RALYL: variants seen among roughly 807,000 people sequenced by gnomAD.
RALYL encodes RNA-binding Raly-like protein.
Under a neutral mutation model 35.1 loss-of-function variants are expected in RALYL, and 29 were observed. That is an observed-to-expected ratio of 0.83 (90% CI 0.61 to 1.13). The LOEUF is 1.13. Among genes scored for constraint, RALYL ranks in the 50% most tolerant of loss-of-function variants. RALYL has a pLI of 0.00. For missense variants in RALYL, 359 were observed against 360.4 expected, an observed-to-expected ratio of 1.00 and a Z score of 0.03; for synonymous variants, 120 against 127.6, an observed-to-expected ratio of 0.94 and a Z score of 0.40.
chr8:84,264,468 G>A (rs972916303), intron 1 of RALYL, among the ~76,000 whole-genome samples: 1 of 41,818 alleles, frequency 2.4e-5, no homozygotes, highest in African/African-American at 8.9e-5. Context: ...TTTTTTTTTT[G>A]TAAATTTGTT....
chr8:84,579,049 C>A (rs1337671599), intron 2 of RALYL, among the ~76,000 whole-genome samples: 2 of 152,140 alleles, frequency 1.3e-5, no homozygotes, highest in East Asian at 3.9e-4. Flanking sequence ...TTCCTCCCAC[C>A]ATCAACATGT....
At chr8:84,465,163 A>G (rs2051400123) in intron 1 of RALYL, among the ~76,000 whole-genome samples, 4 of 136,416 alleles carry the variant, frequency 2.9e-5, no homozygotes, top group South Asian at 2.6e-4. Flanking sequence ...CCATTTGTCC[A>G]TTTTGTCTTT....
chr8:84,628,885 C>T (rs1823325656), intron 2 of RALYL, among the ~76,000 whole-genome samples: 1 of 151,954 alleles, frequency 6.6e-6, no homozygotes, highest in African/African-American at 2.4e-5. Context: ...GATCTTATTT[C>T]AGATGGTCTG....
chr8:84,794,845 G>A (rs6999092), intron 3 of RALYL, among the ~76,000 whole-genome samples: 2,842 of 152,270 alleles, frequency 0.019, 83 homozygotes, highest in African/African-American at 0.065. Context: ...ATTCCTCCCT[G>A]TAGAATTATG....
chr8:84,871,489 G>A (rs979707085), intron 6 of RALYL, among the ~76,000 whole-genome samples: 5 of 152,012 alleles, frequency 3.3e-5, no homozygotes, highest in African/African-American at 1.2e-4. Context: ...AATTTGATAC[G>A]TTTAAGTAAA....
intron 2 of RALYL, among the ~76,000 whole-genome samples, chr8:84,726,933 G>C (rs1845077440): frequency 6.6e-6 from 1 of 151,986 alleles, no homozygotes; most frequent in South Asian, 2.1e-4. Context: ...GCAGCCCTCA[G>C]GAAAATAAGA....
At chr8:84,604,348 T>G (rs1816654247) in intron 2 of RALYL, among the ~76,000 whole-genome samples, 1 of 152,058 alleles carries the variant, frequency 6.6e-6, no homozygotes, top group South Asian at 2.1e-4. Context: ...CTCAACCACT[T>G]TTATCTTAAG....
intron 1 of RALYL, among the ~76,000 whole-genome samples, chr8:84,300,570 C>G (rs1840581535): frequency 6.6e-6 from 1 of 151,956 alleles, no homozygotes; most frequent in South Asian, 2.1e-4. Context: ...GTGGGGTTAT[C>G]TATGTCTCTT....
chr8:84,258,485 T>A lies in RALYL; in HGVS notation c.-24+74061T>A, dbSNP rs148301792. On this transcript the variant is annotated intron_variant, in intron 1 of 8. Coordinates refer to ENST00000521268, the MANE Select transcript of RALYL (RefSeq NM_173848.7). ...AGGTGTTCTTTTGATTACTTTTTTT[T>A]TTCTCACAAGTGGCTTCTACAACTC... Among the ~76,000 whole-genome samples the A allele has an allele frequency of 5.7e-3, 875 of 152,226 alleles. 10 individuals carry two copies. Among genetic ancestry groups the A allele is most frequent in the African/African-American group, 0.019 (806 of 41,546 alleles).
At chr8:84,765,438 G>A (rs560647186) in intron 2 of RALYL, among the ~76,000 whole-genome samples, 1 of 152,204 alleles carries the variant, frequency 6.6e-6, no homozygotes, top group South Asian at 2.1e-4. Context: ...TGGCACGTGG[G>A]CTTTGCTCAA....
rs560711997 is a variant in RALYL at position 84,264,361 on chromosome 8, A to T, written c.-24+79937A>T. 7.9e-5 allele frequency among the ~76,000 whole-genome samples: 12 copies of T among 151,078 alleles called. No individual in the cohort carries two copies. In the East Asian group the frequency reaches 2.3e-3, roughly 30 times the overall value. On this transcript the variant is annotated intron_variant, in intron 1 of 8. Coordinates refer to ENST00000521268, the MANE Select transcript of RALYL (RefSeq NM_173848.7). ...GGTTTTTATTTGTATTTCTCTAATG[A>T]TCAGTGATGTTGAGCTTTTTTCATA...
chr8:84,611,557 A>C (rs565071881), intron 2 of RALYL, among the ~76,000 whole-genome samples: 1 of 152,116 alleles, frequency 6.6e-6, no homozygotes, highest in Non-Finnish European at 1.5e-5. Flanking sequence ...CACACACACA[A>C]AAGTTGACAT....
intron 1 of RALYL, among the ~76,000 whole-genome samples, chr8:84,229,093 T>C (rs1018691761): frequency 6.6e-6 from 1 of 152,216 alleles, no homozygotes; most frequent in Non-Finnish European, 1.5e-5. Flanking sequence ...TGGCTATTCA[T>C]TCATCCATTC....
Position 84,197,281 on chromosome 8 carries a change from G to A in RALYL, c.-24+12857G>A, listed in dbSNP as rs140863529. Among the ~76,000 whole-genome samples, 673 of 152,112 alleles carry A rather than the reference G, an allele frequency of 4.4e-3. 6 individuals carry two copies. Among genetic ancestry groups the A allele is most frequent in the African/African-American group, 0.015 (632 of 41,494 alleles). ...AGAGGCTTATATACTGTGAAACCCC[G>A]CAATCTACACAGCCTCATTTTCTTC... On this transcript the variant is annotated intron_variant, in intron 1 of 8. Transcript: ENST00000521268.
intron 1 of RALYL, among the ~76,000 whole-genome samples, chr8:84,439,233 G>A (rs1414162029): frequency 6.6e-6 from 1 of 151,936 alleles, no homozygotes. Flanking sequence ...AATGTTTGTC[G>A]ATTTGTTTGT....
At chr8:84,347,124 C>T (rs1849980541) in intron 1 of RALYL, among the ~76,000 whole-genome samples, 1 of 151,964 alleles carries the variant, frequency 6.6e-6, no homozygotes, top group Admixed American at 6.6e-5. Context: ...TCACTTGAAC[C>T]TGGGAGGCAG....
intron 2 of RALYL, among the ~76,000 whole-genome samples, chr8:84,723,629 C>T (rs1326570577): frequency 6.6e-6 from 1 of 151,908 alleles, no homozygotes; most frequent in Non-Finnish European, 1.5e-5. Context: ...CATCTTTCTT[C>T]TATGAGTAAC....
chr8:84,515,458 T>C lies in RALYL; in HGVS notation c.-23-13841T>C, dbSNP rs149448346. On this transcript the variant is annotated intron_variant, in intron 1 of 8. Transcript: ENST00000521268. ...GTACCACAGCATATATTCCTTTCAA[T>C]GTGGTTCCTAAAATTTGTGAAAAGG... 5.1e-3 allele frequency among the ~76,000 whole-genome samples: 775 copies of C among 152,314 alleles called. 3 individuals are homozygous for C. The highest frequency in any genetic ancestry group is 0.018 in the African/African-American group (746 of 41,570).
intron 1 of RALYL, among the ~76,000 whole-genome samples, chr8:84,266,056 G>C (rs1833231967): frequency 6.6e-6 from 1 of 152,078 alleles, no homozygotes; most frequent in South Asian, 2.1e-4. Context: ...GACGTTAATA[G>C]CCTCCTCTGT....
Sources: gnomAD v4.1 joint callset for allele counts (sites outside exome capture counted in the v4.1 genomes callset) on GRCh38, gnomAD v4.1.1 for gene constraint, MANE v1.5 for transcripts, NCBI Gene and HGNC (gene_info 2026-07-23, HGNC 2026-07-21) for gene names.